The following PARD3B variants were observed in gnomAD, a reference collection of about 807,000 sequenced individuals.
The protein encoded by PARD3B is partitioning defective 3 homolog B.
PARD3B carries 103 observed loss-of-function variants against 130.2 expected under a neutral mutation model. The observed-to-expected ratio is 0.79, with a 90% CI of 0.67 to 0.93. The LOEUF (loss-of-function observed/expected upper bound fraction) is 0.93. Ranked by LOEUF, PARD3B falls within the 40% of genes least tolerant of loss-of-function variation. PARD3B has a pLI of 0.00. For missense variants in PARD3B, 1,609 were observed against 1,499.2 expected, an observed-to-expected ratio of 1.07 and a Z score of -1.21; for synonymous variants, 583 against 553.2, an observed-to-expected ratio of 1.05 and a Z score of -0.76.
intron 1 of PARD3B, among the ~76,000 whole-genome samples, chr2:204,547,344 C>T (rs1430408855): frequency 6.6e-6 from 1 of 151,846 alleles, no homozygotes; most frequent in Non-Finnish European, 1.5e-5. Context: ...GAGGAGAGTA[C>T]AATGAAAGGT....
intron 1 of PARD3B, among the ~76,000 whole-genome samples, chr2:204,645,182 A>G (rs2035230368): frequency 1.3e-5 from 2 of 152,164 alleles, no homozygotes; most frequent in South Asian, 2.1e-4. Context: ...CAAACTGAGT[A>G]TTACTCACTT....
intron 16 of PARD3B, among the ~76,000 whole-genome samples, chr2:205,289,760 G>A (rs2041532951): frequency 3.9e-5 from 6 of 152,120 alleles, no homozygotes. Context: ...GGGTTATTGA[G>A]GGAGTGAGTT....
chr2:204,722,876 C>T (rs2125323394), intron 2 of PARD3B, among the ~76,000 whole-genome samples: 1 of 152,048 alleles, frequency 6.6e-6, no homozygotes, highest in East Asian at 1.9e-4. Flanking sequence ...CTTCCACCTT[C>T]TGACTCCCAC....
At chr2:205,437,003 A>G (rs1559092480) in intron 19 of PARD3B, among the ~76,000 whole-genome samples, 1 of 151,948 alleles carries the variant, frequency 6.6e-6, no homozygotes, top group Non-Finnish European at 1.5e-5. Flanking sequence ...ACAAAGAATT[A>G]CCGTACAATT....
At chr2:205,500,065 A>G in intron 21 of PARD3B, 34 bp downstream of exon 21, 3 of 1,607,508 alleles carry the variant, frequency 1.9e-6, no homozygotes, top group Non-Finnish European at 2.6e-6. Context: ...CGTTGAATTC[A>G]TCTTTTCTAA....
chr2:204,785,144 T>C (rs1416952398), intron 2 of PARD3B, among the ~76,000 whole-genome samples: 1 of 152,226 alleles, frequency 6.6e-6, no homozygotes, highest in Non-Finnish European at 1.5e-5. Flanking sequence ...TTTTACTCAC[T>C]GAACATATGA....
At chr2:205,375,080 C>G (rs1436048163) in intron 18 of PARD3B, among the ~76,000 whole-genome samples, 3 of 151,914 alleles carry the variant, frequency 2.0e-5, no homozygotes, top group Non-Finnish European at 2.9e-5. Context: ...TTTTACATAC[C>G]AAACAGGATT....
At chr2:205,424,958 G>T (rs2047093205) in intron 19 of PARD3B, among the ~76,000 whole-genome samples, 1 of 152,156 alleles carries the variant, frequency 6.6e-6, no homozygotes, top group Non-Finnish European at 1.5e-5. Context: ...GCTACTTCTT[G>T]CCACTTACAA....
At chr2:205,215,079 G>A (rs2037839977) in intron 15 of PARD3B, among the ~76,000 whole-genome samples, 1 of 151,942 alleles carries the variant, frequency 6.6e-6, no homozygotes, top group African/African-American at 2.4e-5. Context: ...TGTTTAATAT[G>A]TTATTACCAT....
chr2:204,789,935 A>C (rs1340167395), intron 2 of PARD3B, among the ~76,000 whole-genome samples: 1 of 149,640 alleles, frequency 6.7e-6, no homozygotes, highest in East Asian at 2.0e-4. Context: ...CAGTGGCGCG[A>C]TCTCGGCTCA....
intron 20 of PARD3B, among the ~76,000 whole-genome samples, chr2:205,453,348 G>A (rs2048167072): frequency 6.6e-6 from 1 of 152,128 alleles, no homozygotes; most frequent in East Asian, 1.9e-4. Flanking sequence ...TAGAGTGTAA[G>A]TCAGGGCCAG....
intron 15 of PARD3B, among the ~76,000 whole-genome samples, chr2:205,240,535 A>G (rs2039305880): frequency 6.6e-6 from 1 of 152,192 alleles, no homozygotes; most frequent in African/African-American, 2.4e-5. Flanking sequence ...ATGAATAGTG[A>G]GAATCTGAAC....
At chr2:204,729,998 A>ACAC (rs2039425997) in intron 2 of PARD3B, among the ~76,000 whole-genome samples, 79 of 141,354 alleles carry the variant, frequency 5.6e-4, no homozygotes, top group South Asian at 1.4e-3. Flanking sequence ...CACACACACA[A>ACAC]ACACACACAC....
chr2:205,605,592 C>A (rs1166632150), intron 22 of PARD3B, among the ~76,000 whole-genome samples: 2 of 152,146 alleles, frequency 1.3e-5, no homozygotes, highest in Admixed American at 6.5e-5. Context: ...TGGAGGCTAC[C>A]GAATAGCAAA....
chr2:205,058,923 C>G (rs1699898690), intron 4 of PARD3B, among the ~76,000 whole-genome samples: 4 of 150,196 alleles, frequency 2.7e-5, no homozygotes. Context: ...TTTGTGCAGA[C>G]ATTTTTAATT....
In PARD3B at chr2:204,977,673, A is replaced by G. The variant is rs542027899; in HGVS notation, c.394+12350A>G. ...AAATACAAAAAAAAATTCTCTGGGCATGGTGGCGGGCGCCTGTAGTCCCAG... is the reference window on the plus strand; with the variant it reads ...AAATACAAAAAAAAATTCTCTGGGCGTGGTGGCGGGCGCCTGTAGTCCCAG... On this transcript the variant is annotated intron_variant, in intron 3 of 22. Coordinates refer to ENST00000406610, the MANE Select transcript of PARD3B (RefSeq NM_001302769.2). 5.3e-5 allele frequency among the ~76,000 whole-genome samples: 8 copies of G among 152,092 alleles called. No homozygotes were observed. In the South Asian group the frequency reaches 6.2e-4, roughly 12 times the overall value.
intron 5 of PARD3B, among the ~76,000 whole-genome samples, chr2:205,108,646 G>A (rs534003660): frequency 1.3e-4 from 20 of 152,066 alleles, no homozygotes; most frequent in African/African-American, 4.6e-4. Context: ...TGGAAGACCC[G>A]TTTGTCCTTC....
rs140542359 is a variant in PARD3B at position 204,907,475 on chromosome 2, G to C, written c.223-57677G>C. On this transcript the variant is annotated intron_variant, in intron 2 of 22. Coordinates refer to ENST00000406610, the MANE Select transcript of PARD3B (RefSeq NM_001302769.2). The surrounding 1 kb of genome is among the most constrained non-coding windows in gnomAD (Gnocchi z 5.7). ...TCCCAATGCAGCTAATTTCTCTGGAGCCCCCTGCTACTAATGCAGAATAAA... is the reference window on the plus strand; with the variant it reads ...TCCCAATGCAGCTAATTTCTCTGGACCCCCCTGCTACTAATGCAGAATAAA... Among the ~76,000 whole-genome samples the C allele has an allele frequency of 8.7e-3, 1,331 of 152,222 alleles. 7 individuals are homozygous for C. The highest frequency in any genetic ancestry group is 0.013 in the Non-Finnish European group (872 of 68,012).
chr2:204,935,475 C>G (rs1369900565), intron 2 of PARD3B, among the ~76,000 whole-genome samples: 7 of 151,618 alleles, frequency 4.6e-5, no homozygotes, highest in Non-Finnish European at 8.8e-5. Context: ...GGAGGTGGAG[C>G]TTGCAGTGAG....
Sources: allele counts gnomAD v4.1 joint callset (sites outside exome capture counted in the v4.1 genomes callset), GRCh38; gene constraint gnomAD v4.1.1; non-coding constraint Gnocchi (gnomAD v3.1); transcripts MANE v1.5; gene names NCBI Gene and HGNC (gene_info 2026-07-23, HGNC 2026-07-21).